Variants in RBFOX1 observed in about 807,000 individuals in gnomAD.
RBFOX1 encodes the protein RNA binding protein fox-1 homolog 1.
A neutral mutation model predicts 57.7 loss-of-function variants in RBFOX1; 8 were observed. The ratio of observed to expected loss-of-function variants is 0.14; its 90% CI spans 0.08 to 0.25. RBFOX1 has a LOEUF of 0.25. Ranked by LOEUF, RBFOX1 falls within the 10% of genes least tolerant of loss-of-function variation. RBFOX1 has a pLI of 1.00. For missense variants in RBFOX1, 611 were observed against 548.5 expected, an observed-to-expected ratio of 1.11 and a Z score of -1.14; for synonymous variants, 326 against 222.4, an observed-to-expected ratio of 1.47 and a Z score of -4.15.
intron 3 of RBFOX1, among the ~76,000 whole-genome samples, chr16:6,871,812 TG>T (rs1260801869): frequency 6.6e-6 from 1 of 152,120 alleles, no homozygotes; most frequent in African/African-American, 2.4e-5. Flanking sequence ...ATGTTGTCAG[TG>T]GCCCTCAAAG....
In RBFOX1 at chr16:7,260,488, T is replaced by A. The variant is rs1335984201; in HGVS notation, c.27+208390T>A. On this transcript the variant is annotated intron_variant, in intron 4 of 15. Coordinates refer to ENST00000550418, the MANE Select transcript of RBFOX1 (RefSeq NM_018723.4). ...ACTGTTTGATTTTTTTTTTCGTGCA[T>A]ATTGATGTACTCTTTCCCCGTTAAC... Among the ~76,000 whole-genome samples, 4 of 152,148 alleles carry A rather than the reference T, an allele frequency of 2.6e-5. No homozygotes were observed. The East Asian group carries it at 5.8e-4, about 22-fold the overall frequency.
intron 2 of RBFOX1, among the ~76,000 whole-genome samples, chr16:6,472,332 C>T (rs1017164257): frequency 1.3e-5 from 2 of 152,168 alleles, no homozygotes; most frequent in African/African-American, 4.8e-5. Context: ...GAGATGCTGG[C>T]TGCACATCCC....
At chr16:7,191,967 A>C (rs1208870003) in intron 4 of RBFOX1, among the ~76,000 whole-genome samples, 1 of 152,248 alleles carries the variant, frequency 6.6e-6, no homozygotes, top group Non-Finnish European at 1.5e-5. Context: ...GTCTCCCTCT[A>C]AGGAGGGCTG....
intron 3 of RBFOX1, among the ~76,000 whole-genome samples, chr16:6,793,782 T>C (rs747847244): frequency 1.3e-5 from 2 of 152,170 alleles, no homozygotes; most frequent in Non-Finnish European, 2.9e-5. Flanking sequence ...TTTAGATTTA[T>C]GTTGGTGTGT....
intron 1 of RBFOX1, among the ~76,000 whole-genome samples, chr16:5,304,223 C>T (rs1324999166): frequency 1.3e-5 from 2 of 152,224 alleles, no homozygotes; most frequent in Non-Finnish European, 2.9e-5. Context: ...TGCTTTCTGA[C>T]AGCTCCTGTG....
chr16:7,014,924 A>T (rs1029476275), intron 3 of RBFOX1, among the ~76,000 whole-genome samples: 1 of 151,636 alleles, frequency 6.6e-6, no homozygotes, highest in Non-Finnish European at 1.5e-5. Context: ...GCACTTTTGA[A>T]CATATTGGCC....
intron 4 of RBFOX1, among the ~76,000 whole-genome samples, chr16:7,247,395 C>A (rs971958312): frequency 2.0e-5 from 3 of 152,072 alleles, no homozygotes; most frequent in South Asian, 2.1e-4. Flanking sequence ...GGAGAAGGAG[C>A]AAATACTCCT....
At position 7,265,964 on chromosome 16, in the gene RBFOX1, GTTTTTTTTTTTT is replaced by G. The variant is rs1204871254; in HGVS notation, c.27+213881_27+213892del. On this transcript the variant is annotated intron_variant, in intron 4 of 15. Transcript: ENST00000550418. Reference sequence around the variant, plus strand: ...GAGTTATGAGATCTGGTGGGTTTTTGTTTTTTTTTTTTTTTTTTTTTTTTTTCTGAGAGGGAG... The same window carrying G: ...GAGTTATGAGATCTGGTGGGTTTTTGTTTTTTTTTTTTTTCTGAGAGGGAG... Among the ~76,000 whole-genome samples the G allele has an allele frequency of 7.1e-5, 5 of 70,236 alleles. No homozygotes were observed. The South Asian group carries it at 1.3e-3, about 19-fold the overall frequency. 46.1% of individuals were successfully genotyped at this position (70,236 alleles called of 152,430 possible).
At chr16:5,799,954 C>T (rs1013129739) in intron 3 of RBFOX1, among the ~76,000 whole-genome samples, 1 of 152,060 alleles carries the variant, frequency 6.6e-6, no homozygotes, top group Non-Finnish European at 1.5e-5. Flanking sequence ...AAATATATAT[C>T]TGTCTGTCCT....
chr16:6,159,547 T>G (rs922360285), intron 1 of RBFOX1, among the ~76,000 whole-genome samples: 1 of 152,212 alleles, frequency 6.6e-6, no homozygotes, highest in Non-Finnish European at 1.5e-5. Flanking sequence ...GCACAGGGTC[T>G]GCCCTAAATG....
chr16:7,398,430 C>G (rs1414095129), intron 4 of RBFOX1, among the ~76,000 whole-genome samples: 1 of 152,198 alleles, frequency 6.6e-6, no homozygotes, highest in African/African-American at 2.4e-5. Flanking sequence ...GTTAAAGAAT[C>G]TCAATATATG....
At chr16:7,014,115 C>T (rs1052723011) in intron 3 of RBFOX1, among the ~76,000 whole-genome samples, 2 of 152,118 alleles carry the variant, frequency 1.3e-5, no homozygotes, top group African/African-American at 4.8e-5. Context: ...TTGGGACAGG[C>T]AATTGTGTAT....
intron 3 of RBFOX1, among the ~76,000 whole-genome samples, chr16:6,964,080 G>T (rs1418797552): frequency 6.6e-6 from 1 of 151,990 alleles, no homozygotes; most frequent in African/African-American, 2.4e-5. Flanking sequence ...GTGCAGTGGT[G>T]CATTCTCGGC....
intron 2 of RBFOX1, among the ~76,000 whole-genome samples, chr16:6,460,293 A>G (rs1368188092): frequency 6.6e-6 from 1 of 152,082 alleles, no homozygotes; most frequent in Non-Finnish European, 1.5e-5. Flanking sequence ...TCTTCTTATA[A>G]GAACACTGGT....
At chr16:5,328,746 G>A (rs114957359) in intron 1 of RBFOX1, among the ~76,000 whole-genome samples, 220 of 152,276 alleles carry the variant, frequency 1.4e-3, no homozygotes, top group African/African-American at 5.0e-3. Context: ...CAGCTGATTG[G>A]CCCAAAAGTG....
chr16:7,107,023 C>A (rs1423686805), intron 4 of RBFOX1, among the ~76,000 whole-genome samples: 2 of 128,038 alleles, frequency 1.6e-5, no homozygotes, highest in Non-Finnish European at 3.3e-5. Flanking sequence ...TGAACAAATG[C>A]ATAATTGCAG....
Position 5,880,521 on chromosome 16 carries a change from G to C in RBFOX1, c.351+13186G>C, listed in dbSNP as rs2057736800. 2.6e-5 allele frequency among the ~76,000 whole-genome samples: 4 copies of C among 152,150 alleles called. 1 individual carries two copies. In the South Asian group the frequency reaches 8.3e-4, roughly 32 times the overall value. ...TATTTCAATCTTACAATAATCCTATGGAAGATTTGGGAAGAATAATATTAG... is the reference window on the plus strand; with the variant it reads ...TATTTCAATCTTACAATAATCCTATCGAAGATTTGGGAAGAATAATATTAG... On this transcript the variant is annotated intron_variant, in intron 4 of 19. Coordinates refer to the RBFOX1 transcript ENST00000641259.
intron 2 of RBFOX1, among the ~76,000 whole-genome samples, chr16:5,576,156 G>A (rs182176945): frequency 6.6e-6 from 1 of 152,066 alleles, no homozygotes; most frequent in African/African-American, 2.4e-5. Context: ...GCTAATGTTT[G>A]TATTTTTTTT....
intron 4 of RBFOX1, among the ~76,000 whole-genome samples, chr16:7,407,931 G>T (rs2148995822): frequency 6.6e-6 from 1 of 152,282 alleles, no homozygotes; most frequent in Non-Finnish European, 1.5e-5. Context: ...ATCGTGGGTG[G>T]CTGCTTTTGG....
Sources: gnomAD v4.1 joint callset for allele counts (sites outside exome capture counted in the v4.1 genomes callset) on GRCh38, gnomAD v4.1.1 for gene constraint, MANE v1.5 for transcripts, NCBI Gene and HGNC (gene_info 2026-07-23, HGNC 2026-07-21) for gene names.